XXYLT1: variants seen among roughly 807,000 people sequenced by gnomAD.
XXYLT1 encodes UDP-xylose:alpha-xyloside alpha-1,3-xylosyltransferase.
Under a neutral mutation model 28.9 loss-of-function variants are expected in XXYLT1, and 20 were observed. That is an observed-to-expected ratio of 0.69 (90% confidence interval 0.49 to 1.00). The LOEUF (loss-of-function observed/expected upper bound fraction) is 1.00. Among genes scored for constraint, XXYLT1 ranks in the 50% least tolerant of loss-of-function variants. The pLI is 0.00. For missense variants in XXYLT1, 542 were observed against 560.1 expected, an observed-to-expected ratio of 0.97 and a Z score of 0.33; for synonymous variants, 257 against 253.8, an observed-to-expected ratio of 1.01 and a Z score of -0.12.
At chr3:195,213,639 T>C (rs1181998180) in intron 2 of XXYLT1, among the ~76,000 whole-genome samples, 1 of 152,236 alleles carries the variant, frequency 6.6e-6, no homozygotes, top group Admixed American at 6.5e-5. Flanking sequence ...CAAAAAGGCA[T>C]TCTGTGGTCA....
chr3:195,221,870 C>T (rs962495153), intron 2 of XXYLT1, among the ~76,000 whole-genome samples: 4 of 152,130 alleles, frequency 2.6e-5, no homozygotes, highest in African/African-American at 9.7e-5. Flanking sequence ...GGAGGGCACA[C>T]AGGCAGGCAA....
At chr3:195,266,326 G>A (rs1345482626) in intron 1 of XXYLT1, among the ~76,000 whole-genome samples, 4 of 151,908 alleles carry the variant, frequency 2.6e-5, no homozygotes, top group South Asian at 2.1e-4. Flanking sequence ...AAACCCCATC[G>A]CTACTAAAAA....
At chr3:195,092,361 CAG>C (rs1404270031) in intron 3 of XXYLT1, among the ~76,000 whole-genome samples, 4 of 146,036 alleles carry the variant, frequency 2.7e-5, no homozygotes, top group African/African-American at 1.0e-4. Flanking sequence ...ACAGAGCCCT[CAG>C]AAATAACGCC....
At chr3:195,114,871 CG>C (rs1717962570) in intron 3 of XXYLT1, among the ~76,000 whole-genome samples, 1 of 152,218 alleles carries the variant, frequency 6.6e-6, no homozygotes, top group Admixed American at 6.5e-5. Flanking sequence ...GTCTCCCTGC[CG>C]GTGCAAGGAG....
At chr3:195,234,533 G>A (rs1421211440) in intron 1 of XXYLT1, among the ~76,000 whole-genome samples, 1 of 151,342 alleles carries the variant, frequency 6.6e-6, no homozygotes, top group East Asian at 2.0e-4. Context: ...TGGCCAGGCT[G>A]GTCTTGAACT....
At chr3:195,098,397 C>CA (rs1716573539) in intron 3 of XXYLT1, among the ~76,000 whole-genome samples, 1 of 151,982 alleles carries the variant, frequency 6.6e-6, no homozygotes, top group South Asian at 2.1e-4. Context: ...ACTAAAAATA[C>CA]AAAAAATTAG....
chr3:195,271,013 G>A lies in XXYLT1; in HGVS notation c.46C>T (p.Arg16Cys), dbSNP rs1401681673. ...TAGTGGGAGCGCACAGCGCCCAGGC[G>A]CGCCATGGCCCGAGCGCATGGGAGC... The part of the protein sequence containing the change: ...GGLPCARAMA[R>C]LGAVRSHYCA... Residue 16 changes from arginine (R) to cysteine (C), a missense_variant, in exon 1 of 4, where the codon CGC (arginine) becomes TGC (cysteine). Arg to Cys is a radical substitution (Grantham distance 180). Transcript: ENST00000310380. 1.4e-6 allele frequency: 2 copies of A among 1,474,278 alleles called. No individual in the cohort carries two copies. The highest frequency in any genetic ancestry group is 1.8e-6 in the Non-Finnish European group (2 of 1,118,046). The allele number at this position is 1,474,278 out of a possible 1,614,324, so 91.3% of individuals were successfully genotyped here.
At chr3:195,245,467 T>C (rs927985672) in intron 1 of XXYLT1, among the ~76,000 whole-genome samples, 7 of 152,130 alleles carry the variant, frequency 4.6e-5, no homozygotes, top group Non-Finnish European at 5.9e-5. Context: ...CAATTCATCT[T>C]CTTCCAGTGT....
At chr3:195,110,550 G>A (rs114043556) in intron 3 of XXYLT1, among the ~76,000 whole-genome samples, 4 of 48,496 alleles carry the variant, frequency 8.2e-5, no homozygotes, top group South Asian at 1.3e-3. Context: ...TGTGTGGTGT[G>A]TGTGTGGTGT....
chr3:195,147,817 C>A (rs534259317), intron 3 of XXYLT1: 1 of 152,372 alleles, frequency 6.6e-6, no homozygotes, highest in South Asian at 2.1e-4. Context: ...CCAGTCCCAC[C>A]CCTTCCACGC....
chr3:195,224,904 A>G (rs1723983967), intron 2 of XXYLT1, among the ~76,000 whole-genome samples: 1 of 152,198 alleles, frequency 6.6e-6, no homozygotes, highest in Non-Finnish European at 1.5e-5. Context: ...CGGAGCTGTG[A>G]GCAACACCTC....
At chr3:195,162,530 C>T (rs1013014622) in intron 2 of XXYLT1, among the ~76,000 whole-genome samples, 3 of 152,202 alleles carry the variant, frequency 2.0e-5, no homozygotes, top group African/African-American at 7.2e-5. Context: ...AGGCCTTACT[C>T]GCCCCCTCTC....
At chr3:195,225,183 A>C (rs1243850457) in intron 2 of XXYLT1, among the ~76,000 whole-genome samples, 1 of 152,180 alleles carries the variant, frequency 6.6e-6, no homozygotes, top group Non-Finnish European at 1.5e-5. Context: ...CACCTGGGTC[A>C]CTGCAAAGGC....
intron 2 of XXYLT1, among the ~76,000 whole-genome samples, chr3:195,194,014 A>G (rs886953232): frequency 6.6e-6 from 1 of 152,080 alleles, no homozygotes; most frequent in East Asian, 1.9e-4. Context: ...TTCTTAGATA[A>G]TGACACAAAA....
At chr3:195,158,496 T>C (rs1008862625) in intron 2 of XXYLT1, among the ~76,000 whole-genome samples, 4 of 152,254 alleles carry the variant, frequency 2.6e-5, no homozygotes, top group African/African-American at 9.6e-5. Context: ...AAAGGTCCTA[T>C]GTAGGCCTAA....
chr3:195,085,055 G>A (rs1577006637), intron 3 of XXYLT1, among the ~76,000 whole-genome samples: 1 of 152,206 alleles, frequency 6.6e-6, no homozygotes, highest in South Asian at 2.1e-4. Context: ...GAGTCTTCAC[G>A]TGGACGTAAC....
At chr3:195,261,300 G>A (rs945080666) in intron 1 of XXYLT1, among the ~76,000 whole-genome samples, 4 of 152,196 alleles carry the variant, frequency 2.6e-5, no homozygotes, top group Non-Finnish European at 4.4e-5. Context: ...GGGCACGGTG[G>A]CGCACGCCTG....
chr3:195,157,266 A>G (rs867915399), intron 2 of XXYLT1, among the ~76,000 whole-genome samples: 1 of 138,568 alleles, frequency 7.2e-6, no homozygotes, highest in African/African-American at 2.8e-5. Context: ...AAAAAAAAAA[A>G]CCCTCAAAGC....
chr3:195,248,744 G>A lies in XXYLT1; in HGVS notation c.504+21811C>T, dbSNP rs549988904. On this transcript the variant is annotated intron_variant, in intron 1 of 3. Transcript: ENST00000310380. ...ACCAGCCTGGCCAACAGGGTGAAAC[G>A]CCGTCTCTACTAAGAAAATACAAAA... Among the ~76,000 whole-genome samples the A allele has an allele frequency of 2.4e-3, 362 of 152,212 alleles. 1 individual carries two copies. Among genetic ancestry groups the A allele is most frequent in the Non-Finnish European group, 2.8e-3 (193 of 68,004 alleles).
Sources: gnomAD v4.1 joint callset for allele counts (sites outside exome capture counted in the v4.1 genomes callset) on GRCh38, gnomAD v4.1.1 for gene constraint, MANE v1.5 for transcripts, NCBI Gene and HGNC (gene_info 2026-07-23, HGNC 2026-07-21) for gene names.